ASTN2: variants seen among roughly 807,000 people sequenced by gnomAD.
The protein encoded by ASTN2 is astrotactin-2.
A neutral mutation model predicts 139.8 loss-of-function variants in ASTN2; 54 were observed. The ratio of observed to expected loss-of-function variants is 0.39; its 90% CI spans 0.31 to 0.48. The LOEUF is 0.48. Among genes scored for constraint, ASTN2 ranks in the 20% least tolerant of loss-of-function variants. The probability of loss-of-function intolerance (pLI) is 0.95; values close to 1 mark genes in which losing one functional copy is unlikely to be tolerated. For synonymous variants in ASTN2, 756 were observed against 719.5 expected (o/e 1.05, Z -0.81); for missense variants, 1,565 against 1,725.1 (o/e 0.91, Z 1.64).
intron 5 of ASTN2, among the ~76,000 whole-genome samples, chr9:117,087,077 G>T (rs976538779): frequency 1.4e-4 from 22 of 152,156 alleles, no homozygotes; most frequent in African/African-American, 5.3e-4. Flanking sequence ...CATGAGCAAG[G>T]CTACCTAAAT....
intron 19 of ASTN2, among the ~76,000 whole-genome samples, chr9:116,601,783 G>A (rs1263903621): frequency 6.6e-6 from 1 of 152,216 alleles, no homozygotes; most frequent in Non-Finnish European, 1.5e-5. Flanking sequence ...TTGCTTGTGA[G>A]ATATCGAATT....
chr9:117,386,394 A>G (rs1830400796), intron 1 of ASTN2, among the ~76,000 whole-genome samples: 1 of 152,154 alleles, frequency 6.6e-6, no homozygotes, highest in Non-Finnish European at 1.5e-5. Context: ...AGACATGGAT[A>G]TGTACCCATT....
intron 4 of ASTN2, among the ~76,000 whole-genome samples, chr9:117,114,742 G>T (rs1829335502): frequency 6.6e-6 from 1 of 152,122 alleles, no homozygotes; most frequent in Admixed American, 6.5e-5. Flanking sequence ...CAGAATTGAG[G>T]CTATGTATCT....
intron 10 of ASTN2, among the ~76,000 whole-genome samples, chr9:116,934,632 G>C (rs1188730028): frequency 6.6e-6 from 1 of 152,062 alleles, no homozygotes; most frequent in African/African-American, 2.4e-5. Context: ...AAGGTGGGAG[G>C]GGGGAAGAGG....
At chr9:116,965,262 T>C (rs546798020) in intron 10 of ASTN2, among the ~76,000 whole-genome samples, 3 of 152,218 alleles carry the variant, frequency 2.0e-5, no homozygotes, top group Non-Finnish European at 4.4e-5. Context: ...TGAATAAACT[T>C]AAACATTCAG....
At chr9:117,114,520 A>G (rs1330052753) in intron 4 of ASTN2, among the ~76,000 whole-genome samples, 1 of 152,214 alleles carries the variant, frequency 6.6e-6, no homozygotes, top group Non-Finnish European at 1.5e-5. Context: ...CATGTTATAT[A>G]TCAATCATGG....
At chr9:117,276,820 G>T (rs1185634336) in intron 2 of ASTN2, among the ~76,000 whole-genome samples, 8 of 152,190 alleles carry the variant, frequency 5.3e-5, no homozygotes, top group Admixed American at 5.2e-4. Flanking sequence ...TAGCTGTGTG[G>T]TCTTGGGCAA....
At chr9:116,941,006 A>G (rs921615364) in intron 10 of ASTN2, among the ~76,000 whole-genome samples, 4 of 152,194 alleles carry the variant, frequency 2.6e-5, no homozygotes, top group Non-Finnish European at 5.9e-5. Flanking sequence ...TTTGAAGCCT[A>G]GGAGTAATAG....
intron 7 of ASTN2, among the ~76,000 whole-genome samples, chr9:117,004,798 A>G (rs7042152): frequency 0.92 from 140,061 of 152,220 alleles, 65,422 homozygotes; most frequent in Non-Finnish European, 1. Context: ...AGAAGACTGA[A>G]AGTAAGGAAA....
At chr9:117,372,186 A>G (rs1199684561) in intron 1 of ASTN2, among the ~76,000 whole-genome samples, 2 of 152,166 alleles carry the variant, frequency 1.3e-5, no homozygotes, top group African/African-American at 4.8e-5. Context: ...AGTCAATGCA[A>G]TGACTCAAAG....
chr9:117,094,641 A>G (rs983800144), intron 5 of ASTN2, among the ~76,000 whole-genome samples: 1 of 152,148 alleles, frequency 6.6e-6, no homozygotes, highest in African/African-American at 2.4e-5. Flanking sequence ...TCCAATGGCT[A>G]CAGAGGCTGC....
At chr9:116,436,888 G>T (rs1011535334) in intron 22 of ASTN2, among the ~76,000 whole-genome samples, 10 of 151,878 alleles carry the variant, frequency 6.6e-5, no homozygotes, top group Admixed American at 2.6e-4. Flanking sequence ...CATAAAAAAT[G>T]ATGAGTTCAT....
intron 8 of ASTN2, 61 bp from the exon 9 acceptor site, chr9:116,976,249 T>C (rs374684071): frequency 1.6e-4 from 226 of 1,374,176 alleles, no homozygotes; most frequent in Non-Finnish European, 2.2e-4. Context: ...AGAATTCACA[T>C]GTGGACACTG....
intron 1 of ASTN2, among the ~76,000 whole-genome samples, chr9:117,302,517 T>C (rs1184869987): frequency 6.6e-6 from 1 of 152,088 alleles, no homozygotes; most frequent in South Asian, 2.1e-4. Context: ...AAATCCCTTA[T>C]AATGCCAGGG....
At chr9:116,855,804 T>A (rs776444033) in intron 11 of ASTN2, among the ~76,000 whole-genome samples, 5 of 152,166 alleles carry the variant, frequency 3.3e-5, no homozygotes, top group Non-Finnish European at 5.9e-5. Flanking sequence ...ATGGGAGTAA[T>A]AATAATGCTT....
chr9:117,309,396 G>A (rs997575270), intron 1 of ASTN2, among the ~76,000 whole-genome samples: 3 of 152,226 alleles, frequency 2.0e-5, no homozygotes, highest in Admixed American at 1.3e-4. Context: ...AAGTGGCTTG[G>A]CCAATGTCTG....
intron 1 of ASTN2, among the ~76,000 whole-genome samples, chr9:117,311,708 C>G (rs557647000): frequency 2.3e-4 from 35 of 152,306 alleles, no homozygotes; most frequent in African/African-American, 7.9e-4. Flanking sequence ...CCCACACACA[C>G]AGAGATACAC....
intron 12 of ASTN2, among the ~76,000 whole-genome samples, chr9:116,814,898 G>A (rs1278755134): frequency 1.3e-5 from 2 of 152,106 alleles, no homozygotes; most frequent in Non-Finnish European, 2.9e-5. Context: ...ATCAATTGTC[G>A]GTGAGCATTT....
rs576538486 is a variant in ASTN2, at chr9:117,335,686, A to G, written c.443-44173T>C. Among the ~76,000 whole-genome samples the G allele has an allele frequency of 1.1e-4, 17 of 152,010 alleles. No homozygotes were observed. The East Asian group carries it at 2.1e-3, about 19-fold the overall frequency. On this transcript the variant is annotated intron_variant, in intron 1 of 22. Coordinates refer to ENST00000313400, the MANE Select transcript of ASTN2 (RefSeq NM_001365068.1). ...AGTCTTGTTCTTCACTGAATGAGGA[A>G]CCCCTTAAATCAATGAAGCCATAAA...
Sources: gnomAD v4.1 joint callset for allele counts (sites outside exome capture counted in the v4.1 genomes callset) on GRCh38, gnomAD v4.1.1 for gene constraint, MANE v1.5 for transcripts, NCBI Gene and HGNC (gene_info 2026-07-23, HGNC 2026-07-21) for gene names.